The following ASTN1 variants were observed in gnomAD, a reference collection of about 807,000 sequenced individuals.
ASTN1 encodes astrotactin 1, also known as astrotactin-1.
In ASTN1, 41 loss-of-function variants were observed where a neutral mutation model predicts 140.7. The observed-to-expected ratio is 0.29, with a 90% CI of 0.23 to 0.38. The LOEUF is 0.38. Among genes scored for constraint, ASTN1 ranks in the 10% least tolerant of loss-of-function variants. The probability of loss-of-function intolerance (pLI) is 1.00; values close to 1 mark genes in which losing one functional copy is unlikely to be tolerated. For missense variants in ASTN1, 1,479 were observed against 1,678.8 expected (o/e 0.88, Z 2.08); for synonymous variants, 640 against 652.2 (o/e 0.98, Z 0.29).
chr1:176,981,674 A>G (rs1239756992), intron 8 of ASTN1: 1 of 152,570 alleles, frequency 6.6e-6, no homozygotes, highest in Non-Finnish European at 1.5e-5. Context: ...TGATGTGGTG[A>G]TTGATTGGAT....
intron 5 of ASTN1, among the ~76,000 whole-genome samples, chr1:177,026,443 C>A (rs1356369482): frequency 6.6e-6 from 1 of 152,130 alleles, no homozygotes; most frequent in Admixed American, 6.5e-5. Context: ...TTATATCCAA[C>A]TCTTTTCTCT....
intron 1 of ASTN1, among the ~76,000 whole-genome samples, chr1:177,096,470 G>C (rs1680030284): frequency 6.6e-6 from 1 of 152,148 alleles, no homozygotes; most frequent in African/African-American, 2.4e-5. Context: ...TAGGTCATGA[G>C]GGTGGAGAAC....
chr1:177,125,617 A>G (rs573176042), intron 1 of ASTN1, among the ~76,000 whole-genome samples: 18 of 152,330 alleles, frequency 1.2e-4, no homozygotes, highest in African/African-American at 4.3e-4. Flanking sequence ...GGTATATAAA[A>G]CACTGTATTG....
At chr1:177,130,708 A>T (rs1681901513) in intron 1 of ASTN1, among the ~76,000 whole-genome samples, 1 of 152,124 alleles carries the variant, frequency 6.6e-6, no homozygotes, top group South Asian at 2.1e-4. Flanking sequence ...CCAGCTTGTT[A>T]AGGCCCATCG....
Position 176,996,095 on chromosome 1 carries a change from G to A in ASTN1, c.1523+18696C>T, listed in dbSNP as rs140384796. 2.6e-5 allele frequency among the ~76,000 whole-genome samples: 4 copies of A among 152,204 alleles called. No homozygotes were observed. In the East Asian group the frequency reaches 7.8e-4, roughly 30 times the overall value. ...TTCAGTGCTGGCATCAAAAACCTAGGTTCACGCAGAAATTTAAAATCTGGG... is the reference window on the plus strand; with the variant it reads ...TTCAGTGCTGGCATCAAAAACCTAGATTCACGCAGAAATTTAAAATCTGGG... On this transcript the variant is annotated intron_variant, in intron 8 of 22. Coordinates refer to ENST00000361833, the MANE Select transcript of ASTN1 (RefSeq NM_004319.3).
intron 17 of ASTN1, among the ~76,000 whole-genome samples, chr1:176,889,461 A>G (rs565791143): frequency 1.3e-5 from 2 of 152,350 alleles, no homozygotes; most frequent in African/African-American, 4.8e-5. Context: ...TTTAGACCAA[A>G]GAATTCAAAA....
intron 8 of ASTN1, among the ~76,000 whole-genome samples, chr1:176,982,841 T>C (rs1673687230): frequency 6.6e-6 from 1 of 152,188 alleles, no homozygotes; most frequent in Non-Finnish European, 1.5e-5. Context: ...AGACCTAGCG[T>C]GAGCCTTCAG....
Position 177,111,028 on chromosome 1 carries a change from A to C in ASTN1, c.284-49763T>G, listed in dbSNP as rs74942893. Among the ~76,000 whole-genome samples the C allele has an allele frequency of 6.1e-3, 925 of 152,342 alleles. 12 individuals are homozygous for C. The highest frequency in any genetic ancestry group is 0.022 in the African/African-American group (894 of 41,576). ...ATGTAACCCTCCTACAGCTCTTCAA[A>C]ACACTGGTTTCTGTAAAAGCTAGCC... On this transcript the variant is annotated intron_variant, in intron 1 of 22. Coordinates refer to ENST00000361833, the MANE Select transcript of ASTN1 (RefSeq NM_004319.3).
chr1:177,118,128 T>G (rs990215068), intron 1 of ASTN1, among the ~76,000 whole-genome samples: 5 of 152,210 alleles, frequency 3.3e-5, no homozygotes, highest in African/African-American at 1.2e-4. Context: ...ATAGGACTTG[T>G]TCTTTTTGAT....
At position 177,113,295 on chromosome 1, in the gene ASTN1, C is replaced by T. The variant is rs942528579; in HGVS notation, c.283+51099G>A. On this transcript the variant is annotated intron_variant, in intron 1 of 22. Coordinates refer to ENST00000361833, the MANE Select transcript of ASTN1 (RefSeq NM_004319.3). ...CAGCAGGAAAGAGCCCACTGTCCCCCCAACCCCCAGAACAGCTGGTGGCTT... is the reference window on the plus strand; with the variant it reads ...CAGCAGGAAAGAGCCCACTGTCCCCTCAACCCCCAGAACAGCTGGTGGCTT... Among the ~76,000 whole-genome samples, 4 of 152,306 alleles carry T rather than the reference C, an allele frequency of 2.6e-5. No individual in the cohort carries two copies. In the South Asian group the frequency reaches 6.2e-4, roughly 24 times the overall value.
At chr1:176,911,049 C>T (rs1021306283) in intron 16 of ASTN1, among the ~76,000 whole-genome samples, 1 of 152,194 alleles carries the variant, frequency 6.6e-6, no homozygotes, top group Non-Finnish European at 1.5e-5. Flanking sequence ...GCATATTGTT[C>T]CTAGGCTATA....
intron 1 of ASTN1, among the ~76,000 whole-genome samples, chr1:177,141,234 C>G (rs573081418): frequency 6.6e-6 from 1 of 151,476 alleles, no homozygotes; most frequent in East Asian, 1.9e-4. Flanking sequence ...AACAAACAAA[C>G]AAAAAAAACA....
At chr1:177,153,471 A>T (rs1453571772) in intron 1 of ASTN1, among the ~76,000 whole-genome samples, 1 of 152,182 alleles carries the variant, frequency 6.6e-6, no homozygotes, top group Non-Finnish European at 1.5e-5. Flanking sequence ...GACACCAGCT[A>T]AAGTTGGTGC....
intron 1 of ASTN1, among the ~76,000 whole-genome samples, chr1:177,133,527 C>G (rs1430404456): frequency 6.6e-6 from 1 of 152,092 alleles, no homozygotes; most frequent in Non-Finnish European, 1.5e-5. Context: ...GGTGATAGAC[C>G]AAGATGGTAA....
intron 8 of ASTN1, among the ~76,000 whole-genome samples, chr1:176,968,958 G>A (rs1020675897): frequency 6.6e-6 from 1 of 152,122 alleles, no homozygotes; most frequent in African/African-American, 2.4e-5. Context: ...ACAGTGGAGG[G>A]TCTGGCAGGG....
intron 1 of ASTN1, among the ~76,000 whole-genome samples, chr1:177,127,904 A>G (rs1681740122): frequency 6.6e-6 from 1 of 152,254 alleles, no homozygotes; most frequent in South Asian, 2.1e-4. Flanking sequence ...CAACTTATGC[A>G]GCAACAGAAA....
intron 8 of ASTN1, among the ~76,000 whole-genome samples, chr1:176,999,516 A>G (rs543936122): frequency 2.0e-5 from 3 of 152,348 alleles, no homozygotes; most frequent in African/African-American, 7.2e-5. Flanking sequence ...GGAATTGAAC[A>G]AGCATAGCCA....
intron 16 of ASTN1, among the ~76,000 whole-genome samples, chr1:176,898,954 C>G (rs1317890545): frequency 6.6e-6 from 1 of 152,140 alleles, no homozygotes; most frequent in African/African-American, 2.4e-5. Context: ...TTATAATTGA[C>G]AAAGGTGCCT....
intron 5 of ASTN1, 106 bp from the exon 6 acceptor site, chr1:177,024,838 A>T: frequency 7.8e-7 from 1 of 1,281,040 alleles, no homozygotes; most frequent in Non-Finnish European, 1.1e-6. Context: ...GACAGTTGGC[A>T]AAACTAGCCC....
Sources: allele counts gnomAD v4.1 joint callset (sites outside exome capture counted in the v4.1 genomes callset), GRCh38; gene constraint gnomAD v4.1.1; transcripts MANE v1.5; gene names NCBI Gene and HGNC (gene_info 2026-07-23, HGNC 2026-07-21).